ATP10A: variants seen among roughly 807,000 people sequenced by gnomAD.
ATP10A encodes phospholipid-transporting ATPase VA.
In ATP10A, 111 loss-of-function variants were observed where a neutral mutation model predicts 147.8. The ratio of observed to expected loss-of-function variants is 0.75; its 90% CI spans 0.64 to 0.88. ATP10A has a LOEUF of 0.88. Among genes scored for constraint, ATP10A ranks in the 40% least tolerant of loss-of-function variants. ATP10A has a pLI of 0.00. For missense variants in ATP10A, 1,927 were observed against 1,959.0 expected (o/e 0.98, Z 0.31); for synonymous variants, 875 against 841.6 (o/e 1.04, Z -0.69).
intron 1 of ATP10A, among the ~76,000 whole-genome samples, chr15:25,820,687 G>A (rs1891843389): frequency 6.6e-6 from 1 of 152,164 alleles, no homozygotes; most frequent in South Asian, 2.1e-4. Flanking sequence ...CGAATTTTAT[G>A]TGGTAAAGAA....
At chr15:25,838,377 A>C (rs1892676439) in intron 1 of ATP10A, among the ~76,000 whole-genome samples, 1 of 152,150 alleles carries the variant, frequency 6.6e-6, no homozygotes, top group Non-Finnish European at 1.5e-5. Flanking sequence ...GATAGGAGTG[A>C]AAGCCCTGGA....
chr15:25,713,634 TCCCCC>T (rs767074229), intron 10 of ATP10A, 35 bp downstream of exon 10: 3 of 1,584,524 alleles, frequency 1.9e-6, no homozygotes, highest in East Asian at 4.5e-5. Flanking sequence ...CAGGACCTCC[TCCCCC>T]GAGCTGGGGT....
chr15:25,791,008 G>A (rs760730856), intron 1 of ATP10A, among the ~76,000 whole-genome samples: 36 of 151,538 alleles, frequency 2.4e-4, no homozygotes, highest in Non-Finnish European at 3.4e-4. Flanking sequence ...ACACTCCTCC[G>A]TCAGTATCTA....
chr15:25,745,574 G>C lies in ATP10A; in HGVS notation c.655-9433C>G, dbSNP rs142155076. On this transcript the variant is annotated intron_variant, in intron 2 of 20. Coordinates refer to ENST00000555815, the MANE Select transcript of ATP10A (RefSeq NM_024490.4). ...CCATCTCTGCTATAAGAAAGAGAGA[G>C]AGAGAAGGAAATTGGCCTGATGAAA... is the stretch of plus-strand genomic sequence containing the variant. Among the ~76,000 whole-genome samples the C allele has an allele frequency of 9.7e-4, 147 of 152,220 alleles. 1 individual carries two copies. Among genetic ancestry groups the C allele is most frequent in the Middle Eastern group, 3.4e-3 (1 of 294 alleles).
chr15:25,739,605 G>A (rs1439030802), intron 2 of ATP10A, among the ~76,000 whole-genome samples: 2 of 152,130 alleles, frequency 1.3e-5, no homozygotes, highest in East Asian at 1.9e-4. Flanking sequence ...AGCATCACCT[G>A]CAAAAGTGCT....
At chr15:25,747,183 G>A (rs1887888266) in intron 2 of ATP10A, among the ~76,000 whole-genome samples, 6 of 150,944 alleles carry the variant, frequency 4.0e-5, no homozygotes, top group Non-Finnish European at 8.8e-5. Flanking sequence ...AGCTACTCAA[G>A]GAGGCTGAGT....
rs183080694 is a variant in ATP10A, at chr15:25,691,637, G to A, written c.3165+78C>T. 7,465 of 1,450,870 alleles carry A rather than the reference G, an allele frequency of 5.1e-3. 37 individuals carry two copies. Among genetic ancestry groups the A allele is most frequent in the South Asian group, 7.5e-3 (656 of 87,628 alleles). 89.9% of individuals were successfully genotyped at this position (1,450,870 alleles called of 1,614,324 possible). On this transcript the variant is annotated intron_variant, in intron 15 of 20. Transcript: ENST00000555815. ...CGTTCAGTAGAGCCCAGAGGAAGTC[G>A]GGGACAGCCCACAGGGTGACAGGAC... is the stretch of plus-strand genomic sequence containing the variant.
intron 5 of ATP10A, among the ~76,000 whole-genome samples, chr15:25,724,841 C>T (rs1457129808): frequency 6.6e-6 from 1 of 152,182 alleles, no homozygotes; most frequent in African/African-American, 2.4e-5. Flanking sequence ...GGTTCCATAT[C>T]CGTGGATTCA....
At chr15:25,742,839 G>A in intron 2 of ATP10A, among the ~76,000 whole-genome samples, 1 of 152,204 alleles carries the variant, frequency 6.6e-6, no homozygotes, top group East Asian at 1.9e-4. Context: ...CCAACAGGGT[G>A]TCCCTGCATG....
intron 7 of ATP10A, among the ~76,000 whole-genome samples, chr15:25,719,436 CCAGCTCTCGGGTGGCAT>C (rs1902066476): frequency 6.6e-6 from 1 of 152,188 alleles, no homozygotes; most frequent in Admixed American, 6.5e-5. Flanking sequence ...AAATGCCTCC[CCAGCTCTCGGGTGGCAT>C]CAGCCCAGTG....
intron 13 of ATP10A, among the ~76,000 whole-genome samples, chr15:25,696,191 C>T (rs990896048): frequency 3.3e-5 from 5 of 152,202 alleles, no homozygotes; most frequent in African/African-American, 1.2e-4. Flanking sequence ...GTGTTCAACA[C>T]ACGCTTACTG....
At chr15:25,757,646 TAAA>T (rs1383933348) in intron 2 of ATP10A, among the ~76,000 whole-genome samples, 1 of 152,190 alleles carries the variant, frequency 6.6e-6, no homozygotes, top group Non-Finnish European at 1.5e-5. Context: ...GGTAAAAAAT[TAAA>T]AAGTTGAAAA....
At chr15:25,743,859 G>T (rs1413166799) in intron 2 of ATP10A, among the ~76,000 whole-genome samples, 1 of 152,102 alleles carries the variant, frequency 6.6e-6, no homozygotes, top group Non-Finnish European at 1.5e-5. Flanking sequence ...AGTCATCAGT[G>T]TGCGGGGATT....
chr15:25,805,944 TACAA>T (rs1291312861), intron 1 of ATP10A, among the ~76,000 whole-genome samples: 2 of 152,206 alleles, frequency 1.3e-5, no homozygotes, highest in Non-Finnish European at 2.9e-5. Flanking sequence ...AGCAGCCCCT[TACAA>T]CCTTGAGAAG....
At chr15:25,689,135 G>T (rs1001270545) in intron 15 of ATP10A, among the ~76,000 whole-genome samples, 1 of 152,226 alleles carries the variant, frequency 6.6e-6, no homozygotes, top group Non-Finnish European at 1.5e-5. Context: ...CTCTGAGGAC[G>T]CCTGGCTTGC....
At chr15:25,781,495 A>AAAT (rs1287312804) in intron 1 of ATP10A, among the ~76,000 whole-genome samples, 18 of 152,238 alleles carry the variant, frequency 1.2e-4, no homozygotes, top group African/African-American at 4.1e-4. Flanking sequence ...TCTCTACTAA[A>AAAT]AATACAAAAA....
At position 25,856,457 on chromosome 15, in the gene ATP10A, A is replaced by G. The variant is rs544511722; in HGVS notation, c.449+6191T>C. Among the ~76,000 whole-genome samples the G allele has an allele frequency of 2.0e-5, 3 of 152,338 alleles. No homozygotes were observed. In the East Asian group the frequency reaches 5.8e-4, roughly 29 times the overall value. On this transcript the variant is annotated intron_variant, in intron 1 of 20. Transcript: ENST00000555815. ...TACCCAGTCTTGGGTATTTCTTCAT[A>G]GCAGCCTGAGAATGGACTAATAGAG...
chr15:25,687,874 G>A (rs373240437), intron 15 of ATP10A, 46 bp from the exon 16 acceptor site: 418 of 1,612,260 alleles, frequency 2.6e-4, no homozygotes, highest in Non-Finnish European at 3.3e-4. Context: ...CCGACCTGGC[G>A]TCAGATTTGT....
At chr15:25,718,107 C>G (rs1220619374) in intron 8 of ATP10A, 75 bp downstream of exon 8, 3 of 1,475,066 alleles carry the variant, frequency 2.0e-6, no homozygotes, top group Non-Finnish European at 2.8e-6. Context: ...AATATAGACA[C>G]CTTCCATGAG....
Sources: allele counts gnomAD v4.1 joint callset (sites outside exome capture counted in the v4.1 genomes callset), GRCh38; gene constraint gnomAD v4.1.1; transcripts MANE v1.5; gene names NCBI Gene and HGNC (gene_info 2026-07-23, HGNC 2026-07-21).